ZFYVE9: variants seen among roughly 807,000 people sequenced by gnomAD.
The protein encoded by ZFYVE9 is zinc finger FYVE domain-containing protein 9.
A neutral mutation model predicts 126.7 loss-of-function variants in ZFYVE9; 43 were observed. The ratio of observed to expected loss-of-function variants is 0.34; its 90% CI spans 0.27 to 0.44. The LOEUF is 0.44. Ranked by LOEUF, ZFYVE9 falls within the 20% of genes least tolerant of loss-of-function variation. The pLI, the probability that ZFYVE9 is intolerant of heterozygous loss-of-function variation, is 1.00. For missense variants in ZFYVE9, 1,476 were observed against 1,697.0 expected (o/e 0.87, Z 2.29); for synonymous variants, 521 against 597.4 (o/e 0.87, Z 1.87).
At chr1:52,344,167 TC>T (rs1438164891) in intron 17 of ZFYVE9, among the ~76,000 whole-genome samples, 1 of 152,168 alleles carries the variant, frequency 6.6e-6, no homozygotes, top group Non-Finnish European at 1.5e-5. Context: ...GGTCATCAGT[TC>T]CAAGTGTGTT....
intron 13 of ZFYVE9, among the ~76,000 whole-genome samples, chr1:52,304,528 G>T (rs1646063609): frequency 6.6e-6 from 1 of 152,102 alleles, no homozygotes; most frequent in African/African-American, 2.4e-5. Flanking sequence ...CTCCCAAAGT[G>T]CTGGGATTAC....
intron 1 of ZFYVE9, among the ~76,000 whole-genome samples, chr1:52,197,064 G>A (rs768227632): frequency 1.8e-4 from 27 of 152,150 alleles, no homozygotes; most frequent in Non-Finnish European, 2.9e-4. Flanking sequence ...GCTGAATGGA[G>A]AATGGATTGG....
chr1:52,255,971 TC>T (rs1557484257), intron 4 of ZFYVE9, among the ~76,000 whole-genome samples: 1 of 135,110 alleles, frequency 7.4e-6, no homozygotes, highest in African/African-American at 3.3e-5. Flanking sequence ...TTCTTTTCTT[TC>T]TTTCTTTCTT....
At chr1:52,322,668 G>A (rs1646252436) in intron 13 of ZFYVE9, among the ~76,000 whole-genome samples, 1 of 151,874 alleles carries the variant, frequency 6.6e-6, no homozygotes, top group African/African-American at 2.4e-5. Context: ...GAGCCACCAT[G>A]CCCAGCCTGG....
At position 52,317,193 on chromosome 1, in the gene ZFYVE9, T is replaced by C. The variant is rs182698803; in HGVS notation, c.3438+13268T>C. On this transcript the variant is annotated intron_variant, in intron 13 of 18. Transcript: ENST00000287727. Reference sequence around the variant, plus strand: ...ATTGGGGATACAGCTAAAACAATGATTAGAGATAAATTTATAGCATTAAAC... The same window carrying C: ...ATTGGGGATACAGCTAAAACAATGACTAGAGATAAATTTATAGCATTAAAC... Among the ~76,000 whole-genome samples the C allele has an allele frequency of 5.8e-4, 89 of 152,188 alleles. 2 individuals carry two copies. In the East Asian group the frequency reaches 0.016, roughly 27 times the overall value.
At chr1:52,198,999 G>A (rs1168007291) in intron 1 of ZFYVE9, among the ~76,000 whole-genome samples, 1 of 151,852 alleles carries the variant, frequency 6.6e-6, no homozygotes, top group Non-Finnish European at 1.5e-5. Flanking sequence ...AATACAGAGT[G>A]GTTTTAACAC....
At chr1:52,325,288 A>G (rs1382927001) in intron 13 of ZFYVE9, among the ~76,000 whole-genome samples, 1 of 152,120 alleles carries the variant, frequency 6.6e-6, no homozygotes, top group Non-Finnish European at 1.5e-5. Context: ...AGACTGCACC[A>G]CTGCACTCTA....
At chr1:52,163,305 T>G (rs771100362) in intron 1 of ZFYVE9, among the ~76,000 whole-genome samples, 1 of 152,234 alleles carries the variant, frequency 6.6e-6, no homozygotes, top group Non-Finnish European at 1.5e-5. Flanking sequence ...CTTGAAGTTG[T>G]TCTCCTCTAC....
At chr1:52,172,703 A>G (rs1644585095) in intron 1 of ZFYVE9, among the ~76,000 whole-genome samples, 1 of 151,702 alleles carries the variant, frequency 6.6e-6, no homozygotes, top group South Asian at 2.1e-4. Context: ...GTTCTCCTTG[A>G]AGAGGTCCTT....
chr1:52,183,231 A>G (rs939469114), intron 1 of ZFYVE9, among the ~76,000 whole-genome samples: 3 of 152,226 alleles, frequency 2.0e-5, no homozygotes, highest in East Asian at 3.8e-4. Context: ...GGACACAGGC[A>G]CTTAGAGTAT....
chr1:52,252,580 G>T (rs547072792), intron 4 of ZFYVE9: 1 of 197,570 alleles, frequency 5.1e-6, no homozygotes, highest in Non-Finnish European at 1.1e-5. Flanking sequence ...GGGTGGTCTC[G>T]ATCTCCTGAC....
intron 5 of ZFYVE9, 72 bp downstream of exon 5, chr1:52,263,944 T>C (rs1234010884): frequency 1.6e-5 from 15 of 948,168 alleles, no homozygotes; most frequent in Non-Finnish European, 1.9e-5. Flanking sequence ...AAGACTTTTT[T>C]CCCCCTGCCT....
chr1:52,152,015 G>A (rs1333159398), intron 1 of ZFYVE9, among the ~76,000 whole-genome samples: 2 of 151,852 alleles, frequency 1.3e-5, no homozygotes, highest in Non-Finnish European at 2.9e-5. Flanking sequence ...TTGAGATGGA[G>A]TTTTGCTCTT....
chr1:52,294,222 T>C (rs1329519437), intron 11 of ZFYVE9, among the ~76,000 whole-genome samples: 1 of 152,232 alleles, frequency 6.6e-6, no homozygotes, highest in Non-Finnish European at 1.5e-5. Flanking sequence ...AAGTGCCCTG[T>C]GCTAGGAATC....
chr1:52,314,694 C>G (rs1646166964), intron 13 of ZFYVE9, among the ~76,000 whole-genome samples: 1 of 152,126 alleles, frequency 6.6e-6, no homozygotes. Context: ...GTGGCGCGCG[C>G]CTCTAGTCCC....
rs541405833 is a variant in ZFYVE9, at chr1:52,294,670, A to G, written c.3250+993A>G. Among the ~76,000 whole-genome samples, 8 of 152,360 alleles carry G rather than the reference A, an allele frequency of 5.3e-5. No homozygotes were observed. In the South Asian group the frequency reaches 1.7e-3, roughly 32 times the overall value. Reference sequence around the variant, plus strand: ...CTCCAAGACAGGCTCTAACTTGACCAGACCAGGAATGAAGGAGTAGTTGGA... The same window carrying G: ...CTCCAAGACAGGCTCTAACTTGACCGGACCAGGAATGAAGGAGTAGTTGGA... On this transcript the variant is annotated intron_variant, in intron 11 of 18. Coordinates refer to ENST00000287727, the MANE Select transcript of ZFYVE9 (RefSeq NM_004799.4).
chr1:52,324,072 T>A (rs113992369), intron 13 of ZFYVE9, among the ~76,000 whole-genome samples: 6,803 of 148,136 alleles, frequency 0.046, 526 homozygotes, highest in African/African-American at 0.16. Context: ...AAAAAAAAAA[T>A]AACCACAAAA....
At chr1:52,289,641 A>G (rs1412054374) in intron 10 of ZFYVE9, among the ~76,000 whole-genome samples, 2 of 152,208 alleles carry the variant, frequency 1.3e-5, no homozygotes, top group Non-Finnish European at 2.9e-5. Flanking sequence ...AGGTCTTCAG[A>G]TGAAAGCCTT....
At chr1:52,316,842 C>T (rs1354631313) in intron 13 of ZFYVE9, among the ~76,000 whole-genome samples, 2 of 152,172 alleles carry the variant, frequency 1.3e-5, no homozygotes, top group Non-Finnish European at 2.9e-5. Context: ...GCCAATTTTA[C>T]TTAATTGATT....
Sources: allele counts gnomAD v4.1 joint callset (sites outside exome capture counted in the v4.1 genomes callset), GRCh38; gene constraint gnomAD v4.1.1; transcripts MANE v1.5; gene names NCBI Gene and HGNC (gene_info 2026-07-23, HGNC 2026-07-21).